The following RTN4RL1 variants were observed in gnomAD, a reference collection of about 807,000 sequenced individuals.
The protein encoded by RTN4RL1 is reticulon 4 receptor like 1.
A neutral mutation model predicts 25.6 loss-of-function variants in RTN4RL1; 7 were observed. The ratio of observed to expected loss-of-function variants is 0.27; its 90% confidence interval spans 0.16 to 0.51. RTN4RL1 has a LOEUF of 0.51. Among genes scored for constraint, RTN4RL1 ranks in the 20% least tolerant of loss-of-function variants. RTN4RL1 has a pLI of 0.97. For synonymous variants in RTN4RL1, 297 were observed against 288.2 expected, an observed-to-expected ratio of 1.03 and a Z score of -0.31; for missense variants, 500 against 615.6, an observed-to-expected ratio of 0.81 and a Z score of 1.99.
At chr17:1,973,208 C>A (rs1236876190) in intron 1 of RTN4RL1, among the ~76,000 whole-genome samples, 3 of 151,628 alleles carry the variant, frequency 2.0e-5, no homozygotes, top group Non-Finnish European at 2.9e-5. Flanking sequence ...ACTAAAAATA[C>A]AAAAAAATTA....
chr17:1,999,094 T>TCACACACACACACACACACACA (rs59609042), intron 1 of RTN4RL1, among the ~76,000 whole-genome samples: 4 of 147,276 alleles, frequency 2.7e-5, no homozygotes, highest in African/African-American at 1.0e-4. Context: ...ACATGCGCGA[T>TCACACACACACACACACACACA]CACACACACA....
At chr17:1,951,969 A>T (rs1221187347) in intron 1 of RTN4RL1, among the ~76,000 whole-genome samples, 1 of 152,128 alleles carries the variant, frequency 6.6e-6, no homozygotes, top group Non-Finnish European at 1.5e-5. Context: ...GTGGTGCTGA[A>T]ATCACGAGGG....
chr17:1,999,457 AACAC>A (rs35596203), intron 1 of RTN4RL1, among the ~76,000 whole-genome samples: 22 of 146,002 alleles, frequency 1.5e-4, no homozygotes, highest in Admixed American at 6.1e-4. Flanking sequence ...AAAAAAATAA[AACAC>A]ACACACACAC....
At chr17:1,950,918 C>G (rs1915660783) in intron 1 of RTN4RL1, among the ~76,000 whole-genome samples, 1 of 144,648 alleles carries the variant, frequency 6.9e-6, no homozygotes, top group South Asian at 2.4e-4. Context: ...CTCTCTGTCT[C>G]TCTTTCTCTG....
At chr17:1,949,733 G>T (rs189401209) in intron 1 of RTN4RL1, among the ~76,000 whole-genome samples, 34 of 152,304 alleles carry the variant, frequency 2.2e-4, no homozygotes, top group African/African-American at 7.7e-4. Flanking sequence ...TCTCCTGGGG[G>T]TGCAGTCAAA....
chr17:1,997,457 T>C (rs575787224), intron 1 of RTN4RL1, among the ~76,000 whole-genome samples: 1 of 152,362 alleles, frequency 6.6e-6, no homozygotes, highest in East Asian at 1.9e-4. Flanking sequence ...CGCATGTGTT[T>C]ACTTATTAAC....
chr17:1,989,472 G>C (rs1036614785), intron 1 of RTN4RL1, among the ~76,000 whole-genome samples: 1 of 152,166 alleles, frequency 6.6e-6, no homozygotes, highest in Admixed American at 6.5e-5. Flanking sequence ...GGGCCCTGGA[G>C]CCAGGGCCAG....
At chr17:1,938,719 G>C (rs113258615) in intron 1 of RTN4RL1, among the ~76,000 whole-genome samples, 2,192 of 151,668 alleles carry the variant, frequency 0.014, 56 homozygotes, top group African/African-American at 0.05. Flanking sequence ...AAAACATACG[G>C]GCAACACCCC....
intron 1 of RTN4RL1, among the ~76,000 whole-genome samples, chr17:1,959,055 T>A (rs1419156980): frequency 1.3e-5 from 2 of 152,214 alleles, no homozygotes; most frequent in African/African-American, 4.8e-5. Context: ...CGAGCGGGAA[T>A]CCTGGGCTCC....
chr17:2,017,252 G>T (rs2067136392), intron 1 of RTN4RL1, among the ~76,000 whole-genome samples: 1 of 152,354 alleles, frequency 6.6e-6, no homozygotes, highest in Admixed American at 6.5e-5. Context: ...AAAGTTGGGA[G>T]CCCAGCTTTT....
intron 1 of RTN4RL1, among the ~76,000 whole-genome samples, chr17:1,999,329 C>G (rs2066945653): frequency 6.6e-6 from 1 of 152,042 alleles, no homozygotes; most frequent in Non-Finnish European, 1.5e-5. Flanking sequence ...GCCTGTGATC[C>G]CAGCTACTCG....
At chr17:2,005,599 G>C (rs866770204) in intron 1 of RTN4RL1, among the ~76,000 whole-genome samples, 3 of 152,214 alleles carry the variant, frequency 2.0e-5, no homozygotes, top group Middle Eastern at 6.8e-3. Flanking sequence ...TGGTGTGGTG[G>C]CGTACTCCTG....
chr17:1,979,453 G>C (rs1014771822), intron 1 of RTN4RL1, among the ~76,000 whole-genome samples: 1 of 152,044 alleles, frequency 6.6e-6, no homozygotes, highest in Non-Finnish European at 1.5e-5. Flanking sequence ...CTCCAGCCTG[G>C]GTGACACAGC....
intron 1 of RTN4RL1, among the ~76,000 whole-genome samples, chr17:2,011,534 G>A (rs1249919884): frequency 6.6e-6 from 1 of 152,192 alleles, no homozygotes; most frequent in Non-Finnish European, 1.5e-5. Context: ...TTGGATGTGG[G>A]GCAAGAGGAG....
chr17:1,959,087 C>T (rs530676209), intron 1 of RTN4RL1, among the ~76,000 whole-genome samples: 1 of 152,366 alleles, frequency 6.6e-6, no homozygotes, highest in South Asian at 2.1e-4. Context: ...CCGGCCTCCA[C>T]CTGACAATGG....
chr17:2,005,175 T>C (rs919072428), intron 1 of RTN4RL1, among the ~76,000 whole-genome samples: 2 of 151,954 alleles, frequency 1.3e-5, no homozygotes, highest in Non-Finnish European at 2.9e-5. Flanking sequence ...TTGGCTAATG[T>C]TTTTCACGTT....
chr17:2,007,393 T>G (rs1046874554), intron 1 of RTN4RL1, among the ~76,000 whole-genome samples: 1 of 136,646 alleles, frequency 7.3e-6, no homozygotes, highest in Admixed American at 7.3e-5. Context: ...CTCCAAATAA[T>G]TGGATGATAG....
Position 1,936,760 on chromosome 17 carries a change from C to T in RTN4RL1, c.1062G>A (p.Lys354=), listed in dbSNP as rs1378965364. The T allele has an allele frequency of 3.1e-6, 5 of 1,594,352 alleles. 1 individual carries two copies. In the South Asian group the frequency reaches 3.4e-5, roughly 11 times the overall value. ...GPRPGHRKPG[K]NCTNPRNRNQ... is the part of the protein sequence containing the mutation. ...TGCGGTTCCTGGGGTTGGTGCAGTT[C>T]TTCCCCGGCTTCCTGTGGCCGGGCC... The change falls in exon 2 of 2, where the codon AAG becomes AAA. Residue 354 remains lysine, a synonymous_variant. Coordinates refer to ENST00000331238, the MANE Select transcript of RTN4RL1 (RefSeq NM_178568.4).
chr17:1,969,153 G>A (rs960579900), intron 1 of RTN4RL1, among the ~76,000 whole-genome samples: 2 of 144,880 alleles, frequency 1.4e-5, no homozygotes, highest in Non-Finnish European at 3.0e-5. Context: ...CTGCCTCCGA[G>A]GTTAAAACGA....
Sources: gnomAD v4.1 joint callset for allele counts (sites outside exome capture counted in the v4.1 genomes callset) on GRCh38, gnomAD v4.1.1 for gene constraint, MANE v1.5 for transcripts, NCBI Gene and HGNC (gene_info 2026-07-23, HGNC 2026-07-21) for gene names.